Variants in CHCT1 observed in about 807,000 individuals in gnomAD.
CHCT1 encodes CHD1 helical C-terminal domain containing protein 1.
the CHCT1 span, chr17:60,422,511 G>T: frequency 6.5e-7 from 1 of 1,542,272 alleles, no homozygotes; most frequent in Admixed American, 2.0e-5. Context: ...CCCTGAGACG[G>T]CTAGGTCACA....
chr17:60,426,903 C>G, the CHCT1 span: 1 of 1,534,152 alleles, frequency 6.5e-7, no homozygotes, highest in Non-Finnish European at 8.7e-7. Context: ...GATTGACACA[C>G]CCAGAGCCCC....
chr17:60,430,908 T>C, the CHCT1 span, among the ~76,000 whole-genome samples: 1 of 152,200 alleles, frequency 6.6e-6, no homozygotes, highest in Admixed American at 6.5e-5. Flanking sequence ...GAAACTCGGG[T>C]CTTGCCCTGA....
the CHCT1 span, chr17:60,429,259 G>A: frequency 1.0e-5 from 13 of 1,284,684 alleles, no homozygotes; most frequent in South Asian, 4.4e-5. Context: ...AAGTGTGACC[G>A]GCAGGCAGAC....
At chr17:60,426,041 G>A in the CHCT1 span, 12 of 1,301,514 alleles carry the variant, frequency 9.2e-6, no homozygotes, top group Middle Eastern at 3.7e-4. Flanking sequence ...GCCACCTCCC[G>A]AAACACGCAG....
At chr17:60,425,915 C>T in the CHCT1 span, 1 of 1,516,262 alleles carries the variant, frequency 6.6e-7, no homozygotes, top group East Asian at 2.5e-5. Flanking sequence ...GAACCCTGTC[C>T]CCTTTTCCCC....
the CHCT1 span, chr17:60,429,317 C>A: frequency 1.9e-6 from 3 of 1,575,164 alleles, no homozygotes; most frequent in Non-Finnish European, 2.6e-6. Context: ...AAGTTCAGGT[C>A]CCCCTCTTCT....
the CHCT1 span, chr17:60,421,819 G>T: frequency 1.0e-6 from 1 of 980,138 alleles, no homozygotes; most frequent in Non-Finnish European, 1.2e-6. Flanking sequence ...CGGGACTTTC[G>T]CCGACACCCG....
the CHCT1 span, chr17:60,426,606 C>G: frequency 6.9e-7 from 1 of 1,447,506 alleles, no homozygotes; most frequent in Non-Finnish European, 9.3e-7. Context: ...CCCCAAACCC[C>G]AAAGGGGCAT....
At chr17:60,422,436 G>A in the CHCT1 span, 1 of 1,497,738 alleles carries the variant, frequency 6.7e-7, no homozygotes, top group Non-Finnish European at 9.0e-7. Context: ...GCGGGGTGGG[G>A]GGCTGGGTTC....
the CHCT1 span, among the ~76,000 whole-genome samples, chr17:60,422,839 A>G: frequency 2.0e-5 from 3 of 152,152 alleles, no homozygotes; most frequent in Admixed American, 2.0e-4. Flanking sequence ...ATGATGGGGA[A>G]GAGGTCGCCT....
At chr17:60,421,906 G>A in the CHCT1 span, 1 of 985,542 alleles carries the variant, frequency 1.0e-6, no homozygotes, top group Non-Finnish European at 1.2e-6. Flanking sequence ...GTGTGAAGCG[G>A]GACCGCTGCG....
chr17:60,426,714 G>T, the CHCT1 span: 1 of 1,608,846 alleles, frequency 6.2e-7, no homozygotes, highest in Non-Finnish European at 8.5e-7. Context: ...CTCCCCCTTT[G>T]CAGGATGCTC....
the CHCT1 span, among the ~76,000 whole-genome samples, chr17:60,428,967 A>T: frequency 6.7e-6 from 1 of 149,610 alleles, no homozygotes; most frequent in Non-Finnish European, 1.5e-5. Flanking sequence ...CAGTGGCGTG[A>T]TCTCGGCTCA....
the CHCT1 span, among the ~76,000 whole-genome samples, chr17:60,427,504 G>A: frequency 2.0e-5 from 3 of 151,842 alleles, no homozygotes; most frequent in East Asian, 1.9e-4. Context: ...TGCAACCTCC[G>A]CCTCCTGGGT....
chr17:60,431,311 G>T, the CHCT1 span: 1 of 1,422,020 alleles, frequency 7.0e-7, no homozygotes, highest in Non-Finnish European at 9.7e-7. Context: ...GGCTCTCAGA[G>T]CACGGGGAAT....
the CHCT1 span, among the ~76,000 whole-genome samples, chr17:60,424,853 A>T: frequency 6.6e-6 from 1 of 151,912 alleles, no homozygotes; most frequent in Non-Finnish European, 1.5e-5. Flanking sequence ...AGCCTGGGTG[A>T]TAGAGTGAAT....
the CHCT1 span, chr17:60,426,935 C>CT: frequency 6.6e-7 from 1 of 1,505,502 alleles, no homozygotes; most frequent in African/African-American, 1.4e-5. Flanking sequence ...CCAGGGCTCA[C>CT]TGCCAGGGCA....
chr17:60,426,495 C>T, the CHCT1 span: 1 of 1,034,738 alleles, frequency 9.7e-7, no homozygotes, highest in Non-Finnish European at 1.4e-6. Flanking sequence ...CAGGACAGCC[C>T]TGACTGCACC....
At chr17:60,424,700 A>G in the CHCT1 span, among the ~76,000 whole-genome samples, 2 of 152,050 alleles carry the variant, frequency 1.3e-5, no homozygotes, top group Admixed American at 1.3e-4. Flanking sequence ...ACTGGCCAAC[A>G]TGGTCTCTAC....
Sources: gnomAD v4.1 joint callset for allele counts (sites outside exome capture counted in the v4.1 genomes callset) on GRCh38, gnomAD v4.1.1 for gene constraint, MANE v1.5 for transcripts, NCBI Gene and HGNC (gene_info 2026-07-23, HGNC 2026-07-21) for gene names.